Variants in TENM4 observed in about 807,000 individuals in gnomAD.
TENM4 encodes teneurin-4.
Under a neutral mutation model 243.3 loss-of-function variants are expected in TENM4, and 82 were observed. The observed-to-expected ratio is 0.34, with a 90% CI of 0.28 to 0.40. The LOEUF is 0.40. Ranked by LOEUF, TENM4 falls within the 10% of genes least tolerant of loss-of-function variation. The probability of loss-of-function intolerance (pLI) is 1.00; values close to 1 mark genes in which losing one functional copy is unlikely to be tolerated. For synonymous variants in TENM4, 1,412 were observed against 1,456.3 expected, an observed-to-expected ratio of 0.97 and a Z score of 0.69; for missense variants, 3,138 against 3,673.3, an observed-to-expected ratio of 0.85 and a Z score of 3.77.
chr11:79,311,855 A>C (rs1334324794), intron 1 of TENM4, among the ~76,000 whole-genome samples: 1 of 152,132 alleles, frequency 6.6e-6, no homozygotes, highest in African/African-American at 2.4e-5. Context: ...CCTGCAACTT[A>C]AGCCCTTGCA....
intron 2 of TENM4, among the ~76,000 whole-genome samples, chr11:79,265,634 A>T (rs1334301661): frequency 1.3e-5 from 2 of 152,088 alleles, no homozygotes; most frequent in African/African-American, 4.8e-5. Context: ...TTTTGCTTTC[A>T]TCTACTTTTC....
At chr11:79,282,816 G>GAAA (rs34187402) in intron 2 of TENM4, among the ~76,000 whole-genome samples, 31 of 148,250 alleles carry the variant, frequency 2.1e-4, no homozygotes, top group South Asian at 8.5e-4. Context: ...TTTAAAATTG[G>GAAA]AAAAAAAAAA....
At chr11:79,011,186 G>A (rs1288816140) in intron 6 of TENM4, among the ~76,000 whole-genome samples, 4 of 152,192 alleles carry the variant, frequency 2.6e-5, no homozygotes, top group South Asian at 2.1e-4. Context: ...ATGGGCCCAC[G>A]CATGGGCTCT....
At chr11:78,888,089 T>A (rs1855584273) in intron 9 of TENM4, among the ~76,000 whole-genome samples, 1 of 152,226 alleles carries the variant, frequency 6.6e-6, no homozygotes, top group African/African-American at 2.4e-5. Flanking sequence ...ACCCACTCTA[T>A]ATCAACGATG....
chr11:79,296,327 G>GAA (rs1856453548), intron 2 of TENM4, among the ~76,000 whole-genome samples: 1 of 151,664 alleles, frequency 6.6e-6, no homozygotes, highest in Non-Finnish European at 1.5e-5. Context: ...AAGGGGGCCG[G>GAA]GGGGCTGTGT....
At chr11:79,195,480 A>C (rs994940718) in intron 3 of TENM4, among the ~76,000 whole-genome samples, 4 of 152,160 alleles carry the variant, frequency 2.6e-5, no homozygotes, top group Non-Finnish European at 4.4e-5. Flanking sequence ...GCCCAAGACC[A>C]TGGGAACCCA....
intron 1 of TENM4, among the ~76,000 whole-genome samples, chr11:79,299,978 C>G (rs1371980557): frequency 6.6e-6 from 1 of 152,162 alleles, no homozygotes; most frequent in Non-Finnish European, 1.5e-5. Flanking sequence ...TACGCAGAAA[C>G]AGGAACACAA....
At chr11:79,358,104 A>T (rs1857527394) in intron 1 of TENM4, among the ~76,000 whole-genome samples, 1 of 152,132 alleles carries the variant, frequency 6.6e-6, no homozygotes, top group African/African-American at 2.4e-5. Flanking sequence ...CTCTCCTCCT[A>T]AAGGCTTCTG....
intron 4 of TENM4, chr11:79,096,271 C>G (rs924453287): frequency 6.6e-6 from 1 of 152,220 alleles, no homozygotes. Flanking sequence ...TGTTCACTGT[C>G]ACAATGGCCC....
chr11:79,283,612 A>C (rs1411192774), intron 2 of TENM4, among the ~76,000 whole-genome samples: 1 of 152,222 alleles, frequency 6.6e-6, no homozygotes, highest in African/African-American at 2.4e-5. Context: ...ATTCTACTTA[A>C]TGGTGAAAGA....
intron 1 of TENM4, among the ~76,000 whole-genome samples, chr11:79,363,876 G>A (rs1857631604): frequency 6.6e-6 from 1 of 152,138 alleles, no homozygotes; most frequent in Non-Finnish European, 1.5e-5. Context: ...AGCACTTTGG[G>A]ATTTCCTTCC....
Position 78,688,228 on chromosome 11 carries a change from TGGAAACCAAG to T in TENM4, c.5088-12_5088-3del. On this transcript the variant is annotated splice_polypyrimidine_tract_variant and splice_region_variant and intron_variant, in intron 28 of 33. Coordinates refer to ENST00000278550, the MANE Select transcript of TENM4 (RefSeq NM_001098816.3). Reference sequence around the variant, plus strand: ...GTCAGGCGGCCAAAGCTGTCGTACCTGGAAACCAAGGGGTGGCACTGAGTAGTAGAAATAT... The same window carrying T: ...GTCAGGCGGCCAAAGCTGTCGTACCTGGGTGGCACTGAGTAGTAGAAATAT... 2 of 1,612,650 alleles carry T rather than the reference TGGAAACCAAG, an allele frequency of 1.2e-6. No homozygotes were observed. Among genetic ancestry groups the T allele is most frequent in the Non-Finnish European group, 1.7e-6 (2 of 1,179,138 alleles).
intron 4 of TENM4, among the ~76,000 whole-genome samples, chr11:79,139,743 A>ATATAATATATATATTATATTTATATAAG (rs1565220758): frequency 1.0e-3 from 27 of 26,714 alleles, no homozygotes; most frequent in African/African-American, 3.4e-3. Context: ...ATTTATATAA[A>ATATAATATATATATTATATTTATATAAG]TATATAATAT....
rs188149462 is a variant in TENM4, at chr11:79,004,066, G to A, written c.493+60672C>T. Among the ~76,000 whole-genome samples the A allele has an allele frequency of 1.8e-4, 27 of 150,800 alleles. No individual in the cohort carries two copies. The East Asian group carries it at 5.2e-3, about 29-fold the overall frequency. On this transcript the variant is annotated intron_variant, in intron 6 of 33. Transcript: ENST00000278550. ...AAGAAGGGCATTACTTAATGGTAAA[G>A]GGTTCAATCCAACAAGAAGATCTAG...
At chr11:78,773,392 C>T (rs1856679597) in intron 17 of TENM4, among the ~76,000 whole-genome samples, 2 of 152,098 alleles carry the variant, frequency 1.3e-5, no homozygotes, top group African/African-American at 4.8e-5. Context: ...GTAAGGTATG[C>T]ATGATGCACA....
intron 1 of TENM4, among the ~76,000 whole-genome samples, chr11:79,361,746 T>C (rs891201815): frequency 5.3e-5 from 8 of 151,782 alleles, no homozygotes; most frequent in Non-Finnish European, 1.2e-4. Flanking sequence ...GTGTTATAGA[T>C]GGAAAATAAA....
At chr11:78,899,588 G>GA (rs1250953272) in intron 7 of TENM4, among the ~76,000 whole-genome samples, 3 of 106,904 alleles carry the variant, frequency 2.8e-5, no homozygotes, top group African/African-American at 6.5e-5. Context: ...AAAAAAGAAA[G>GA]AAAATTTGAT....
chr11:78,676,868 A>G (rs1373645900), intron 29 of TENM4, among the ~76,000 whole-genome samples: 2 of 152,232 alleles, frequency 1.3e-5, no homozygotes, highest in African/African-American at 4.8e-5. Context: ...CATTATTCTA[A>G]GTGAAAAAGA....
intron 15 of TENM4, among the ~76,000 whole-genome samples, chr11:78,800,871 G>A (rs1857268306): frequency 6.6e-6 from 1 of 152,038 alleles, no homozygotes; most frequent in Admixed American, 6.5e-5. Flanking sequence ...GGTGAGGGTT[G>A]GGGGAGAAAA....
Sources: gnomAD v4.1 joint callset for allele counts (sites outside exome capture counted in the v4.1 genomes callset) on GRCh38, gnomAD v4.1.1 for gene constraint, MANE v1.5 for transcripts, NCBI Gene and HGNC (gene_info 2026-07-23, HGNC 2026-07-21) for gene names.